The following VIM variants were observed in gnomAD, a reference collection of about 807,000 sequenced individuals.
VIM encodes the protein epididymis secretory sperm binding protein.
In VIM, 18 loss-of-function variants were observed where a neutral mutation model predicts 50.3. That is an observed-to-expected ratio of 0.36 (90% CI 0.25 to 0.53). The LOEUF is 0.53. Among genes scored for constraint, VIM ranks in the 20% least tolerant of loss-of-function variants. The probability of loss-of-function intolerance (pLI) is 0.91; values close to 1 mark genes in which losing one functional copy is unlikely to be tolerated. For missense variants in VIM, 551 were observed against 614.7 expected (o/e 0.90, Z 1.10); for synonymous variants, 245 against 248.5 (o/e 0.99, Z 0.13).
intron 3 of VIM, among the ~76,000 whole-genome samples, chr10:17,232,349 G>T (rs185681550): frequency 6.6e-6 from 1 of 152,108 alleles, no homozygotes; most frequent in African/African-American, 2.4e-5. Flanking sequence ...CAATCCTCAC[G>T]CATCCTTTTG....
rs1156976475 is a variant in VIM, at chr10:17,237,210, T to C, written c.1360-20T>C. 1 of 1,589,542 alleles carries C rather than the reference T, an allele frequency of 6.3e-7. No homozygotes were observed. The highest frequency in any genetic ancestry group is 8.6e-7 in the Non-Finnish European group (1 of 1,163,512). Reference sequence around the variant, plus strand: ...TTGGCATGTGGCATTATATTTATTTTGGTTTTTTTTTTTAAACAGGTTATC... The same window carrying C: ...TTGGCATGTGGCATTATATTTATTTCGGTTTTTTTTTTTAAACAGGTTATC... On this transcript the variant is annotated intron_variant, in intron 9 of 9. Coordinates refer to ENST00000544301, the MANE Select transcript of VIM (RefSeq NM_003380.5).
intron 2 of VIM, 87 bp from the exon 3 acceptor site, chr10:17,230,563 G>A (rs1846770561): frequency 7.0e-7 from 1 of 1,420,000 alleles, no homozygotes; most frequent in Non-Finnish European, 1.0e-6. Context: ...CTCTGGAGGC[G>A]CAGAGCGAAT....
chr10:17,237,442 G>A lies in VIM; in HGVS notation c.*171G>A. On this transcript the variant is annotated 3_prime_UTR_variant, in exon 10 of 10. Coordinates refer to ENST00000544301, the MANE Select transcript of VIM (RefSeq NM_003380.5). Reference sequence around the variant, plus strand: ...ACAACCGACACTCCTACAAGATTTAGAAAAAAGTTTACAACATAATCTAGT... The same window carrying A: ...ACAACCGACACTCCTACAAGATTTAAAAAAAAGTTTACAACATAATCTAGT... The A allele has an allele frequency of 3.1e-6, 2 of 635,892 alleles. No homozygotes were observed. The highest frequency in any genetic ancestry group is 1.9e-5 in the African/African-American group (1 of 53,966). The allele number at this position is 635,892 out of a possible 1,614,324, so 39.4% of individuals were successfully genotyped here.
Position 17,229,997 on chromosome 10 carries a change from C to T in VIM, c.563+12C>T. On this transcript the variant is annotated intron_variant, in intron 2 of 9. Coordinates refer to ENST00000544301, the MANE Select transcript of VIM (RefSeq NM_003380.5). ...CGCCTCCGGGAGAAGTAAGGCTGCG[C>T]CCATGCAAGTAGCTGGGCCTCGGGA... 6.2e-7 allele frequency: 1 copy of T among 1,605,134 alleles called. No individual in the cohort carries two copies. Among genetic ancestry groups the T allele is most frequent in the Non-Finnish European group, 8.5e-7 (1 of 1,176,734 alleles).
chr10:17,235,009 C>A, intron 6 of VIM, 160 bp from the exon 7 acceptor site: 2 of 1,162,408 alleles, frequency 1.7e-6, no homozygotes, highest in South Asian at 1.3e-5. Flanking sequence ...TATATCATTG[C>A]TTCTAATATG....
Position 17,233,537 on chromosome 10 carries a change from C to A in VIM, c.625-50C>A, listed in dbSNP as rs766072380. On this transcript the variant is annotated intron_variant, in intron 3 of 9. Transcript: ENST00000544301. The stretch of plus-strand genomic sequence containing the variant: ...ATCTAAGACAAATAAATGAGATAAG[C>A]CATACACTTTTACATCCTCCATGTC... 10 of 1,552,420 alleles carry A rather than the reference C, an allele frequency of 6.4e-6. No individual in the cohort carries two copies. In the South Asian group the frequency reaches 9.0e-5, roughly 14 times the overall value.
In VIM at chr10:17,233,609, C is replaced by T; in HGVS notation, c.647C>T (p.Ala216Val). Residue 216 changes from alanine to valine, a missense_variant, in exon 4 of 10, where the codon GCA (alanine) becomes GTA (valine). By Grantham distance (64) the Ala-to-Val change is moderately conservative. This residue lies in a region of VIM where 394 missense variants were observed against 437.5 expected (regional missense o/e 0.90). Coordinates refer to ENST00000544301, the MANE Select transcript of VIM (RefSeq NM_003380.5). Reference sequence around the variant, plus strand: ...TAGGATGTTGACAATGCGTCTCTGGCACGTCTTGACCTTGAACGCAAAGTG... The same window carrying T: ...TAGGATGTTGACAATGCGTCTCTGGTACGTCTTGACCTTGAACGCAAAGTG... ...FRQDVDNASL[A>V]RLDLERKVES... The T allele has an allele frequency of 6.2e-7, 1 of 1,614,194 alleles. No homozygotes were observed. Among genetic ancestry groups the T allele is most frequent in the African/African-American group, 1.3e-5 (1 of 75,042 alleles).
In VIM at chr10:17,229,649, G is replaced by A. The variant is rs781179445; in HGVS notation, c.227G>A (p.Gly76Glu). ...GTGCGCCTGCGGAGCAGCGTGCCCG[G>A]GGTGCGGCTCCTGCAGGACTCGGTG... is the stretch of plus-strand genomic sequence containing the variant. ...SAVRLRSSVPGVRLLQDSVDF... is the reference protein window; with the variant it reads ...SAVRLRSSVPEVRLLQDSVDF... The change falls in exon 2 of 10, where the codon GGG becomes GAG. Residue 76 changes from glycine to glutamate, a missense_variant. Gly to Glu is a moderately conservative substitution (Grantham distance 98). Coordinates refer to ENST00000544301, the MANE Select transcript of VIM (RefSeq NM_003380.5). The A allele has an allele frequency of 6.4e-7, 1 of 1,567,106 alleles. No individual in the cohort carries two copies. Among genetic ancestry groups the A allele is most frequent in the African/African-American group, 1.4e-5 (1 of 73,802 alleles).
intron 3 of VIM, chr10:17,230,997 G>A: frequency 2.5e-6 from 1 of 397,706 alleles, no homozygotes. Context: ...CCGCCTCCCG[G>A]GTTCAAGCGA....
At chr10:17,230,053 C>G (rs976567404) in intron 2 of VIM, 68 bp downstream of exon 2, 3 of 1,508,076 alleles carry the variant, frequency 2.0e-6, no homozygotes, top group Admixed American at 4.3e-5. Flanking sequence ...AACGCCCCCC[C>G]GGCCCCCGCG....
rs1374235575 is a variant in VIM at position 17,234,790 on chromosome 10, C to G, written c.980C>G (p.Thr327Ser). ...TACCGGAGACAGGTGCAGTCCCTCA[C>G]CTGTGAAGTGGATGCCCTTAAAGGA... ...TEYRRQVQSL[T>S]CEVDALKGTN... Residue 327 changes from threonine to serine, a missense_variant, in exon 6 of 10, where the codon ACC becomes AGC. Transcript: ENST00000544301. The G allele has an allele frequency of 1.9e-6, 3 of 1,613,998 alleles. No individual in the cohort carries two copies. Among genetic ancestry groups the G allele is most frequent in the African/African-American group, 2.7e-5 (2 of 74,898 alleles).
Position 17,231,850 on chromosome 10 carries a change from TC to T in VIM, c.624+1144del, listed in dbSNP as rs566795046. Among the ~76,000 whole-genome samples, 88 of 151,546 alleles carry T rather than the reference TC, an allele frequency of 5.8e-4. 1 individual carries two copies. In the South Asian group the frequency reaches 0.018, roughly 30 times the overall value. ...AAATTGGAATCCAAAAGCCAGAAGATCCCCATTATAGTTTATAGTTGTATTC... is the reference window on the plus strand; with the variant it reads ...AAATTGGAATCCAAAAGCCAGAAGATCCCATTATAGTTTATAGTTGTATTC... On this transcript the variant is annotated intron_variant, in intron 3 of 9. Coordinates refer to ENST00000544301, the MANE Select transcript of VIM (RefSeq NM_003380.5).
chr10:17,230,822 C>T (rs989117138), intron 3 of VIM, 112 bp downstream of exon 3: 5 of 1,206,242 alleles, frequency 4.1e-6, no homozygotes, highest in Middle Eastern at 1.9e-4. Context: ...TTCAGGGCTG[C>T]GCGTAAAGCC....
chr10:17,229,310 A>G lies in VIM; in HGVS notation c.-113A>G. 8.7e-7 allele frequency: 1 copy of G among 1,152,768 alleles called. No individual in the cohort carries two copies. The highest frequency in any genetic ancestry group is 1.2e-6 in the Non-Finnish European group (1 of 809,596). The allele number at this position is 1,152,768 out of a possible 1,614,324, so 71.4% of individuals were successfully genotyped here. ...ACTCTCGCTCCGAGGTCCCCGCGCC[A>G]GAGACGCAGCCGCGCTCCCACCACC... is the stretch of plus-strand genomic sequence containing the variant. On this transcript the variant is annotated 5_prime_UTR_variant, in exon 2 of 10. Transcript: ENST00000544301.
intron 5 of VIM, among the ~76,000 whole-genome samples, chr10:17,234,323 C>T (rs1219585688): frequency 6.6e-6 from 1 of 152,050 alleles, no homozygotes; most frequent in African/African-American, 2.4e-5. Context: ...CCATGTTGAC[C>T]AGGCTTCTCT....
intron 3 of VIM, 126 bp downstream of exon 3, chr10:17,230,836 T>C (rs1313301578): frequency 7.6e-6 from 8 of 1,047,324 alleles, no homozygotes; most frequent in Non-Finnish European, 8.7e-6. Context: ...TAAAGCCCTC[T>C]AGTGGCGGGA....
At position 17,234,393 on chromosome 10, in the gene VIM, G is replaced by A. The variant is rs558044997; in HGVS notation, c.883-300G>A. 3.9e-5 allele frequency among the ~76,000 whole-genome samples: 6 copies of A among 152,234 alleles called. No individual in the cohort carries two copies. The South Asian group carries it at 1.0e-3, about 26-fold the overall frequency. On this transcript the variant is annotated intron_variant, in intron 5 of 9. Coordinates refer to ENST00000544301, the MANE Select transcript of VIM (RefSeq NM_003380.5). ...GCCTCCCAAAATGTTGGGATTACAG[G>A]CATGCGCCACCACGCCTGGCCACAT...
At chr10:17,230,130 C>A in intron 2 of VIM, 145 bp downstream of exon 2, 1 of 1,075,594 alleles carries the variant, frequency 9.3e-7, no homozygotes. Flanking sequence ...GAGAGCGGGG[C>A]TGTGGCTGTG....
chr10:17,233,990 A>G (rs1312617519), intron 5 of VIM, 59 bp downstream of exon 5: 18 of 1,560,508 alleles, frequency 1.2e-5, no homozygotes, highest in Non-Finnish European at 1.5e-5. Context: ...TCAAAACCCC[A>G]TACCTGTGTG....
Sources: allele counts gnomAD v4.1 joint callset (sites outside exome capture counted in the v4.1 genomes callset), GRCh38; gene constraint gnomAD v4.1.1; regional missense constraint gnomAD v4.1.1; transcripts MANE v1.5; gene names NCBI Gene and HGNC (gene_info 2026-07-23, HGNC 2026-07-21).